Variants in MAGI2 observed in about 807,000 individuals in gnomAD.
MAGI2 encodes the protein membrane-associated guanylate kinase, WW and PDZ domain-containing protein 2.
In MAGI2, 35 loss-of-function variants were observed where a neutral mutation model predicts 133.3. That is an observed-to-expected ratio of 0.26 (90% CI 0.20 to 0.35). The LOEUF (loss-of-function observed/expected upper bound fraction) is 0.35, where lower values mean the gene tolerates loss of function less well. MAGI2 is among the 10% of genes least tolerant of loss of function. MAGI2 has a pLI of 1.00. For missense variants in MAGI2, 1,636 were observed against 1,863.4 expected (o/e 0.88, Z 2.25); for synonymous variants, 729 against 710.6 (o/e 1.03, Z -0.41).
In MAGI2 at chr7:78,991,317, TACACAC is replaced by T. The variant is rs148776305; in HGVS notation, c.418+15767_418+15772del. 1.4e-4 allele frequency among the ~76,000 whole-genome samples: 19 copies of T among 132,112 alleles called. 1 individual carries two copies. Among genetic ancestry groups the T allele is most frequent in the South Asian group, 4.8e-4 (2 of 4,160 alleles). 86.7% of individuals were successfully genotyped at this position (132,112 alleles called of 152,430 possible). ...GAGAATGGACTAATAGACACACACATACACACACACACACACACACACCCCTACATA... is the reference window on the plus strand; with the variant it reads ...GAGAATGGACTAATAGACACACACATACACACACACACACACCCCTACATA... On this transcript the variant is annotated intron_variant, in intron 2 of 21. Transcript: ENST00000354212.
chr7:78,989,620 G>T (rs889167691), intron 2 of MAGI2, among the ~76,000 whole-genome samples: 1 of 152,022 alleles, frequency 6.6e-6, no homozygotes. Context: ...AGCAGCCAGT[G>T]CTCCTCCCCC....
chr7:78,136,863 C>T (rs1455534426), intron 16 of MAGI2, among the ~76,000 whole-genome samples: 1 of 152,212 alleles, frequency 6.6e-6, no homozygotes, highest in African/African-American at 2.4e-5. Context: ...TGAGCCAGTA[C>T]CTTGTTCATT....
rs749343638 is a variant in MAGI2 at position 79,136,003 on chromosome 7, G to GAAAGAAAGAAAGAAAGAAAGAAAGAA, written c.302-128798_302-128797insTTCTTTCTTTCTTTCTTTCTTTCTTT. ...AGAAAGAAAGAAAGAAAGAAAGAAA[G>GAAAGAAAGAAAGAAAGAAAGAAAGAA]AGAAAGAAAGAAAGAAAGAAAGAAG... On this transcript the variant is annotated intron_variant, in intron 1 of 21. Transcript: ENST00000354212. Among the ~76,000 whole-genome samples, 5 of 40,918 alleles carry GAAAGAAAGAAAGAAAGAAAGAAAGAA rather than the reference G, an allele frequency of 1.2e-4. 1 individual carries two copies. The highest frequency in any genetic ancestry group is 2.9e-4 in the Admixed American group (1 of 3,414). 26.8% of individuals were successfully genotyped at this position (40,918 alleles called of 152,430 possible).
chr7:78,272,322 C>A (rs544747796), intron 9 of MAGI2, among the ~76,000 whole-genome samples: 153 of 151,938 alleles, frequency 1.0e-3, no homozygotes, highest in African/African-American at 3.4e-3. Flanking sequence ...TTATGATTTC[C>A]GTTCTTTTGT....
intron 4 of MAGI2, among the ~76,000 whole-genome samples, chr7:78,512,241 T>C (rs1465764950): frequency 6.6e-6 from 1 of 152,172 alleles, no homozygotes; most frequent in East Asian, 1.9e-4. Flanking sequence ...CGCTTCCCTT[T>C]ATTATTTGAG....
chr7:78,302,220 T>C (rs1011201199), intron 9 of MAGI2, among the ~76,000 whole-genome samples: 9 of 152,264 alleles, frequency 5.9e-5, no homozygotes, highest in Admixed American at 2.0e-4. Context: ...TTCAAATTCC[T>C]TTCACATTCT....
At chr7:78,457,566 T>C (rs908112260) in intron 6 of MAGI2, among the ~76,000 whole-genome samples, 5 of 152,152 alleles carry the variant, frequency 3.3e-5, no homozygotes, top group Non-Finnish European at 5.9e-5. Context: ...GTTCTAGACA[T>C]ATGACATATT....
chr7:78,798,710 C>G (rs1184523538), intron 2 of MAGI2, among the ~76,000 whole-genome samples: 2 of 152,060 alleles, frequency 1.3e-5, no homozygotes, highest in Non-Finnish European at 2.9e-5. Flanking sequence ...ATTTATGGAC[C>G]ACAGCTATTA....
At chr7:78,719,964 T>G (rs1384043915) in intron 2 of MAGI2, among the ~76,000 whole-genome samples, 1 of 152,128 alleles carries the variant, frequency 6.6e-6, no homozygotes, top group Non-Finnish European at 1.5e-5. Flanking sequence ...TTATAAATAT[T>G]TAGTTAAATC....
At chr7:78,284,127 C>T (rs1418805437) in intron 9 of MAGI2, among the ~76,000 whole-genome samples, 2 of 152,066 alleles carry the variant, frequency 1.3e-5, no homozygotes, top group Non-Finnish European at 2.9e-5. Flanking sequence ...TGAGTACACA[C>T]ACAGTATATA....
chr7:79,337,588 C>T (rs999306499), intron 1 of MAGI2, among the ~76,000 whole-genome samples: 5 of 152,020 alleles, frequency 3.3e-5, no homozygotes, highest in African/African-American at 9.7e-5. Flanking sequence ...TTTTTTGGTA[C>T]AATGAAAAGT....
chr7:78,055,568 T>C (rs1386760945), intron 21 of MAGI2, among the ~76,000 whole-genome samples: 2 of 152,098 alleles, frequency 1.3e-5, no homozygotes, highest in Non-Finnish European at 1.5e-5. Context: ...CAAAGGAATA[T>C]AAATAAACCA....
intron 2 of MAGI2, among the ~76,000 whole-genome samples, chr7:78,736,870 T>G (rs563027257): frequency 2.0e-5 from 3 of 152,316 alleles, no homozygotes; most frequent in Admixed American, 6.5e-5. Context: ...ATATATCTTT[T>G]TAATATTCCA....
chr7:78,493,492 T>C (rs1430294288), intron 5 of MAGI2, among the ~76,000 whole-genome samples: 1 of 152,152 alleles, frequency 6.6e-6, no homozygotes, highest in Non-Finnish European at 1.5e-5. Context: ...GGCTAAGCAT[T>C]ATGAATTCCA....
intron 5 of MAGI2, among the ~76,000 whole-genome samples, chr7:78,498,050 T>TA (rs1288597777): frequency 3.9e-5 from 6 of 152,164 alleles, no homozygotes; most frequent in African/African-American, 1.2e-4. Context: ...ACCTTTCCTT[T>TA]AAAAAAACTT....
chr7:78,913,873 C>A (rs919872711), intron 2 of MAGI2, among the ~76,000 whole-genome samples: 1 of 152,182 alleles, frequency 6.6e-6, no homozygotes, highest in Admixed American at 6.5e-5. Context: ...ATTTCTTAAA[C>A]TTCCCAGATC....
intron 2 of MAGI2, among the ~76,000 whole-genome samples, chr7:78,821,445 G>T (rs1790100999): frequency 6.6e-6 from 1 of 151,984 alleles, no homozygotes; most frequent in African/African-American, 2.4e-5. Flanking sequence ...AAGGAATGGA[G>T]AATGAGGGGC....
chr7:78,771,869 G>GT lies in MAGI2; in HGVS notation c.419-144631dup, dbSNP rs749229849. ...GTTGTGGAACTAGATTCAATAATGA[G>GT]TAATGCTTTGCTCTGAGACAAATAA... On this transcript the variant is annotated intron_variant, in intron 2 of 21. Transcript: ENST00000354212. 2.6e-5 allele frequency among the ~76,000 whole-genome samples: 4 copies of GT among 152,220 alleles called. No homozygotes were observed. In the East Asian group the frequency reaches 7.7e-4, roughly 29 times the overall value.
chr7:78,719,369 TAAAG>T (rs1234778685), intron 2 of MAGI2, among the ~76,000 whole-genome samples: 2 of 150,202 alleles, frequency 1.3e-5, no homozygotes, highest in Non-Finnish European at 2.9e-5. Context: ...GGAAAAAAAA[TAAAG>T]AAAAAAAATC....
Sources: allele counts gnomAD v4.1 joint callset (sites outside exome capture counted in the v4.1 genomes callset), GRCh38; gene constraint gnomAD v4.1.1; transcripts MANE v1.5; gene names NCBI Gene and HGNC (gene_info 2026-07-23, HGNC 2026-07-21).